Variants in SLC24A2 observed in about 807,000 individuals in gnomAD.
SLC24A2 encodes the protein solute carrier family 24 member 2.
In SLC24A2, 36 loss-of-function variants were observed where a neutral mutation model predicts 62.0. That is an observed-to-expected ratio of 0.58 (90% confidence interval 0.44 to 0.77). SLC24A2 has a LOEUF of 0.77. Among genes scored for constraint, SLC24A2 ranks in the 30% least tolerant of loss-of-function variants. The pLI is 0.00. For synonymous variants in SLC24A2, 358 were observed against 294.0 expected, an observed-to-expected ratio of 1.22 and a Z score of -2.23; for missense variants, 846 against 817.9, an observed-to-expected ratio of 1.03 and a Z score of -0.42.
the SLC24A2 span, chr9:19,926,620 A>G: frequency 6.6e-6 from 1 of 152,376 alleles, no homozygotes; most frequent in South Asian, 2.1e-4. Context: ...CGGCAGCATC[A>G]CAGAATGTGA....
chr9:19,563,820 TCCTTCCTCCCTCCCTC>T (rs1835529251), intron 7 of SLC24A2, among the ~76,000 whole-genome samples: 16 of 92,980 alleles, frequency 1.7e-4, no homozygotes, highest in Non-Finnish European at 2.2e-4. Context: ...CTTCCTTCCT[TCCTTCCTCCCTCCCTC>T]CCTCCCTCCC....
chr9:19,827,791 G>A, the SLC24A2 span, among the ~76,000 whole-genome samples: 1 of 152,130 alleles, frequency 6.6e-6, no homozygotes, highest in Admixed American at 6.6e-5. Context: ...TGGGTGAGAA[G>A]AAATCATCTA....
the SLC24A2 span, among the ~76,000 whole-genome samples, chr9:20,099,636 G>A: frequency 1.3e-5 from 2 of 151,996 alleles, no homozygotes; most frequent in Non-Finnish European, 2.9e-5. Context: ...TCCTTTTCAG[G>A]CTCCTTCCAG....
the SLC24A2 span, among the ~76,000 whole-genome samples, chr9:20,307,319 T>A: frequency 3.9e-5 from 6 of 152,242 alleles, no homozygotes; most frequent in African/African-American, 1.2e-4. Flanking sequence ...TGAGACTTTC[T>A]TATAAATTAA....
intron 2 of SLC24A2, among the ~76,000 whole-genome samples, chr9:19,784,689 A>C (rs575713907): frequency 1.8e-4 from 27 of 152,312 alleles, no homozygotes; most frequent in African/African-American, 2.9e-4. Context: ...AGATGTACTC[A>C]GTTGTCACAT....
the SLC24A2 span, among the ~76,000 whole-genome samples, chr9:19,852,993 G>C: frequency 6.6e-6 from 1 of 152,040 alleles, no homozygotes; most frequent in Admixed American, 6.6e-5. Flanking sequence ...TTATTTCCTT[G>C]AGCAATGGTT....
the SLC24A2 span, among the ~76,000 whole-genome samples, chr9:20,140,895 T>C: frequency 6.6e-6 from 1 of 152,122 alleles, no homozygotes; most frequent in African/African-American, 2.4e-5. Flanking sequence ...CCAAACTCTT[T>C]CCTCTACCGC....
intron 2 of SLC24A2, among the ~76,000 whole-genome samples, chr9:19,631,794 A>G (rs1469912727): frequency 6.6e-6 from 1 of 152,172 alleles, no homozygotes; most frequent in Admixed American, 6.5e-5. Flanking sequence ...GCATCATTAA[A>G]AAATTCTCTG....
chr9:20,263,860 C>T, the SLC24A2 span, among the ~76,000 whole-genome samples: 1 of 45,990 alleles, frequency 2.2e-5, no homozygotes, highest in African/African-American at 1.3e-4. Flanking sequence ...ATATCCCACC[C>T]GCCCCCCCCC....
At chr9:19,988,349 C>G in the SLC24A2 span, among the ~76,000 whole-genome samples, 1 of 152,198 alleles carries the variant, frequency 6.6e-6, no homozygotes, top group African/African-American at 2.4e-5. Flanking sequence ...TTGATTCCCT[C>G]TAGACCCACA....
At chr9:20,226,324 T>C in the SLC24A2 span, among the ~76,000 whole-genome samples, 1 of 152,124 alleles carries the variant, frequency 6.6e-6, no homozygotes, top group Non-Finnish European at 1.5e-5. Context: ...TATGGGAAAT[T>C]TGCAGATCAA....
the SLC24A2 span, among the ~76,000 whole-genome samples, chr9:19,894,100 G>T: frequency 1.3e-5 from 2 of 152,152 alleles, no homozygotes; most frequent in African/African-American, 2.4e-5. Context: ...CTAAATTCAG[G>T]ATTTATGTTT....
chr9:20,089,262 C>A, the SLC24A2 span, among the ~76,000 whole-genome samples: 2 of 152,102 alleles, frequency 1.3e-5, no homozygotes, highest in African/African-American at 4.8e-5. Context: ...GTTCTCCATA[C>A]AGGTCCCGGT....
chr9:19,726,603 CT>C (rs1329675056), intron 2 of SLC24A2, among the ~76,000 whole-genome samples: 1 of 152,134 alleles, frequency 6.6e-6, no homozygotes, highest in Non-Finnish European at 1.5e-5. Context: ...TGATTTTGCT[CT>C]CTTCATAATG....
the SLC24A2 span, among the ~76,000 whole-genome samples, chr9:20,076,495 C>A: frequency 1.3e-5 from 2 of 151,978 alleles, no homozygotes; most frequent in Non-Finnish European, 2.9e-5. Flanking sequence ...CCAAGGGATG[C>A]CAAGGAGCAC....
the SLC24A2 span, among the ~76,000 whole-genome samples, chr9:19,813,098 C>G: frequency 2.0e-5 from 3 of 152,096 alleles, no homozygotes; most frequent in Non-Finnish European, 4.4e-5. Context: ...GTTCTCTGCC[C>G]CTGCCTTCCT....
chr9:19,541,206 C>G (rs1353658407), intron 8 of SLC24A2, among the ~76,000 whole-genome samples: 2 of 142,000 alleles, frequency 1.4e-5, no homozygotes, highest in East Asian at 4.2e-4. Flanking sequence ...TCTCTCAGCT[C>G]GTCAAAATCA....
chr9:20,261,676 T>A, the SLC24A2 span, among the ~76,000 whole-genome samples: 1 of 151,662 alleles, frequency 6.6e-6, no homozygotes, highest in African/African-American at 2.4e-5. Context: ...AAGTTTACTA[T>A]CTTCTACTGG....
intron 2 of SLC24A2, among the ~76,000 whole-genome samples, chr9:19,753,193 G>A (rs1822036953): frequency 1.3e-5 from 2 of 152,192 alleles, no homozygotes; most frequent in African/African-American, 4.8e-5. Flanking sequence ...CAACTCAGCA[G>A]GCAGGGAGGA....
Sources: gnomAD v4.1 joint callset for allele counts (sites outside exome capture counted in the v4.1 genomes callset) on GRCh38, gnomAD v4.1.1 for gene constraint, MANE v1.5 for transcripts, NCBI Gene and HGNC (gene_info 2026-07-23, HGNC 2026-07-21) for gene names.